The following ZNF267 variants were observed in gnomAD, a reference collection of about 807,000 sequenced individuals.
ZNF267 encodes the protein zinc finger (C2H2).
A neutral mutation model predicts 71.6 loss-of-function variants in ZNF267; 61 were observed. The observed-to-expected ratio is 0.85, with a 90% CI of 0.69 to 1.05. The LOEUF is 1.05. Ranked by LOEUF, ZNF267 falls within the 50% of genes least tolerant of loss-of-function variation. ZNF267 has a pLI of 0.00. For synonymous variants in ZNF267, 288 were observed against 293.2 expected (o/e 0.98, Z 0.18); for missense variants, 852 against 870.0 (o/e 0.98, Z 0.26).
chr16:31,904,193 T>A (rs1428913258), intron 3 of ZNF267, among the ~76,000 whole-genome samples: 5 of 152,110 alleles, frequency 3.3e-5, no homozygotes, highest in Non-Finnish European at 5.9e-5. Context: ...TGCTGAGGAG[T>A]GCTTTACTTC....
At chr16:31,881,885 GA>G (rs2083893016) in intron 1 of ZNF267, among the ~76,000 whole-genome samples, 1 of 152,056 alleles carries the variant, frequency 6.6e-6, no homozygotes, top group South Asian at 2.1e-4. Context: ...GGCTGATCTT[GA>G]ACTCCTGACC....
In ZNF267 at chr16:31,914,761, A is replaced by G. The variant is rs1203434170; in HGVS notation, c.512A>G (p.His171Arg). 1 of 1,613,900 alleles carries G rather than the reference A, an allele frequency of 6.2e-7. No homozygotes were observed. The highest frequency in any genetic ancestry group is 2.2e-5 in the East Asian group (1 of 44,854). ...GATCAATATAGGAAGGTCTTTACTC[A>G]TTCATCATTGCTTAATCAACAAGAG... Reference protein sequence around the residue: ...NFDQYRKVFTHSSLLNQQEEI... With the variant: ...NFDQYRKVFTRSSLLNQQEEI... The change falls in exon 4 of 4, where the codon CAT (histidine) becomes CGT (arginine). Residue 171 changes from histidine (H) to arginine (R), a missense_variant. By Grantham distance (29) the His-to-Arg change is conservative (BLOSUM62 0). Coordinates refer to ENST00000300870, the MANE Select transcript of ZNF267 (RefSeq NM_003414.6).
intron 1 of ZNF267, among the ~76,000 whole-genome samples, chr16:31,879,206 G>C (rs1185856779): frequency 6.6e-6 from 1 of 152,214 alleles, no homozygotes; most frequent in African/African-American, 2.4e-5. Flanking sequence ...AAGACATGAA[G>C]TTTATTTTTC....
Position 31,914,718 on chromosome 16 carries a change from G to T in ZNF267, c.469G>T (p.Ala157Ser), listed in dbSNP as rs745696999. The T allele has an allele frequency of 6.2e-7, 1 of 1,614,014 alleles. No individual in the cohort carries two copies. The highest frequency in any genetic ancestry group is 1.1e-5 in the South Asian group (1 of 91,086). ...LFHQQILSSC[A>S]KSYNFDQYRK... ...TCACCAGCAAATACTTTCTTCTTGT[G>T]CCAAAAGCTATAACTTTGATCAATA... Residue 157 changes from alanine (A) to serine (S), a missense_variant, in exon 4 of 4, where the codon GCC becomes TCC. By Grantham distance (99) the Ala-to-Ser change is moderately conservative (BLOSUM62 1). Transcript: ENST00000300870.
At chr16:31,886,228 C>T (rs2083923265) in intron 3 of ZNF267, among the ~76,000 whole-genome samples, 1 of 152,154 alleles carries the variant, frequency 6.6e-6, no homozygotes, top group Non-Finnish European at 1.5e-5. Flanking sequence ...AGTCATCTCA[C>T]ATTAGATGCC....
chr16:31,893,887 T>A (rs571414122), intron 3 of ZNF267, among the ~76,000 whole-genome samples: 54 of 152,370 alleles, frequency 3.5e-4, no homozygotes, highest in African/African-American at 1.2e-3. Context: ...CTGATTCATG[T>A]GTCACAGACA....
intron 3 of ZNF267, among the ~76,000 whole-genome samples, chr16:31,904,972 G>A (rs1033854959): frequency 6.6e-6 from 1 of 152,162 alleles, no homozygotes. Flanking sequence ...CTCTTGTAGG[G>A]CAGGCCTGGT....
rs554315355 is a variant in ZNF267 at position 31,880,852 on chromosome 16, A to T, written c.4-3646A>T. Among the ~76,000 whole-genome samples, 6 of 152,326 alleles carry T rather than the reference A, an allele frequency of 3.9e-5. No individual in the cohort carries two copies. In the East Asian group the frequency reaches 5.8e-4, roughly 15 times the overall value. On this transcript the variant is annotated intron_variant, in intron 1 of 3. Coordinates refer to ENST00000300870, the MANE Select transcript of ZNF267 (RefSeq NM_003414.6). ...CCAATTGCTTCCATTTCATATGGCC[A>T]CTAGGAAAACAGATGCAGCAGCCAT...
chr16:31,889,402 A>G (rs2083945319), intron 3 of ZNF267, among the ~76,000 whole-genome samples: 1 of 152,018 alleles, frequency 6.6e-6, no homozygotes, highest in Admixed American at 6.6e-5. Flanking sequence ...GAACTTTATC[A>G]TTTTATACTT....
chr16:31,894,915 A>C (rs1480864569), intron 3 of ZNF267: 1 of 366,964 alleles, frequency 2.7e-6, no homozygotes, highest in African/African-American at 2.2e-5. Flanking sequence ...CCCCTGGGTT[A>C]GTGCCAGCAT....
At chr16:31,892,701 C>G (rs2083969433) in intron 3 of ZNF267, among the ~76,000 whole-genome samples, 1 of 152,198 alleles carries the variant, frequency 6.6e-6, no homozygotes, top group Non-Finnish European at 1.5e-5. Flanking sequence ...AGTCCAAAAT[C>G]CAGCAGGGCA....
At position 31,915,619 on chromosome 16, in the gene ZNF267, C is replaced by A; in HGVS notation, c.1370C>A (p.Thr457Asn). 1 of 1,613,558 alleles carries A rather than the reference C, an allele frequency of 6.2e-7. No individual in the cohort carries two copies. The highest frequency in any genetic ancestry group is 8.5e-7 in the Non-Finnish European group (1 of 1,179,902). The change falls in exon 4 of 4, where the codon ACT becomes AAT. Residue 457 changes from threonine to asparagine, a missense_variant. Transcript: ENST00000300870. ...TCATGCCTTACTCAACATCAGACAA[C>A]TCATACAGGAGAAAAACTTTACAAA... ...RSSCLTQHQT[T>N]HTGEKLYKCK...
intron 3 of ZNF267, among the ~76,000 whole-genome samples, chr16:31,905,089 T>C (rs988673397): frequency 1.4e-4 from 21 of 152,260 alleles, no homozygotes; most frequent in African/African-American, 1.7e-4. Flanking sequence ...AAAATTCTTT[T>C]CTTTAAGAAT....
chr16:31,887,471 G>A (rs771375707), intron 3 of ZNF267, among the ~76,000 whole-genome samples: 1 of 152,012 alleles, frequency 6.6e-6, no homozygotes, highest in Non-Finnish European at 1.5e-5. Context: ...TTATTGCCAA[G>A]GCCAGTGTCA....
In ZNF267 at chr16:31,873,866, G is replaced by A; in HGVS notation, c.-101G>A. 2.6e-6 allele frequency: 4 copies of A among 1,534,402 alleles called. No homozygotes were observed. Among genetic ancestry groups the A allele is most frequent in the South Asian group, 2.2e-5 (2 of 89,038 alleles). On this transcript the variant is annotated 5_prime_UTR_variant, in exon 1 of 4. Transcript: ENST00000300870. ...GTCTTTCGTTCTGGGAGGCCCAGGC[G>A]GCTTCGCGTTCTGAGAATAAACAGA...
rs2084179513 is a variant in ZNF267, at chr16:31,916,475, A to G, written c.2226A>G (p.Lys742=). Residue 742 remains lysine, a synonymous_variant, in exon 4 of 4, where the codon AAA becomes AAG. Coordinates refer to ENST00000300870, the MANE Select transcript of ZNF267 (RefSeq NM_003414.6). ...IAHQRSHTRE[K]L is the part of the protein sequence containing the mutation. ...ATCAGAGAAGTCATACTAGAGAAAA[A>G]CTTTAAAAATGTAAAACATGGAGCA... The G allele has an allele frequency of 6.2e-7, 1 of 1,604,338 alleles. No homozygotes were observed. The highest frequency in any genetic ancestry group is 8.5e-7 in the Non-Finnish European group (1 of 1,175,768).
intron 1 of ZNF267, chr16:31,875,095 A>C: frequency 7.8e-7 from 1 of 1,285,652 alleles, no homozygotes; most frequent in Non-Finnish European, 1.0e-6. Flanking sequence ...CCAGGCACAG[A>C]CACGTTATCG....
chr16:31,898,264 A>G (rs117067068), intron 3 of ZNF267, among the ~76,000 whole-genome samples: 3 of 152,068 alleles, frequency 2.0e-5, no homozygotes, highest in Non-Finnish European at 4.4e-5. Context: ...TGTAATGTAT[A>G]TTTTGTCTGA....
intron 3 of ZNF267, among the ~76,000 whole-genome samples, chr16:31,910,839 A>G (rs1008952506): frequency 6.6e-6 from 1 of 151,454 alleles, no homozygotes. Flanking sequence ...ACATATATCT[A>G]TACATTTCTC....
Sources: gnomAD v4.1 joint callset for allele counts (sites outside exome capture counted in the v4.1 genomes callset) on GRCh38, gnomAD v4.1.1 for gene constraint, MANE v1.5 for transcripts, NCBI Gene and HGNC (gene_info 2026-07-23, HGNC 2026-07-21) for gene names.